FREM2: variants seen among roughly 807,000 people sequenced by gnomAD.
FREM2 encodes FRAS1-related extracellular matrix protein 2.
FREM2 carries 119 observed loss-of-function variants against 219.9 expected under a neutral mutation model. The ratio of observed to expected loss-of-function variants is 0.54; its 90% confidence interval spans 0.47 to 0.63. The LOEUF (loss-of-function observed/expected upper bound fraction) is 0.63, where lower values mean the gene tolerates loss of function less well. Ranked by LOEUF, FREM2 falls within the 30% of genes least tolerant of loss-of-function variation. The pLI is 0.00. For missense variants in FREM2, 4,030 were observed against 3,993.6 expected, an observed-to-expected ratio of 1.01 and a Z score of -0.25; for synonymous variants, 1,562 against 1,522.8, an observed-to-expected ratio of 1.03 and a Z score of -0.60.
intron 2 of FREM2, among the ~76,000 whole-genome samples, chr13:38,718,287 T>C (rs1871090077): frequency 6.6e-6 from 1 of 152,196 alleles, no homozygotes; most frequent in Non-Finnish European, 1.5e-5. Flanking sequence ...AGCTACTAAA[T>C]GAATCTTATC....
At chr13:38,754,668 T>C (rs1395082577) in intron 2 of FREM2, among the ~76,000 whole-genome samples, 1 of 152,172 alleles carries the variant, frequency 6.6e-6, no homozygotes, top group Non-Finnish European at 1.5e-5. Context: ...TGGCCCTCAA[T>C]CTGTCCAGCT....
intron 6 of FREM2, among the ~76,000 whole-genome samples, chr13:38,836,360 G>A (rs1876706240): frequency 6.6e-6 from 1 of 152,104 alleles, no homozygotes; most frequent in Non-Finnish European, 1.5e-5. Flanking sequence ...TTTTTATTGA[G>A]GATTTTCACA....
At chr13:38,765,648 ACT>A (rs947742866) in intron 3 of FREM2, among the ~76,000 whole-genome samples, 2 of 146,882 alleles carry the variant, frequency 1.4e-5, no homozygotes, top group Non-Finnish European at 1.5e-5. Context: ...GAACCCCACC[ACT>A]CTTTTTGATT....
intron 6 of FREM2, chr13:38,821,785 C>T (rs1876066697): frequency 6.6e-6 from 1 of 152,130 alleles, no homozygotes; most frequent in Non-Finnish European, 1.5e-5. Flanking sequence ...TGGTGAAAGA[C>T]ACTAGCCCAA....
At chr13:38,704,724 A>AC (rs1870472813) in intron 2 of FREM2, among the ~76,000 whole-genome samples, 1 of 152,208 alleles carries the variant, frequency 6.6e-6, no homozygotes, top group South Asian at 2.1e-4. Context: ...CTAAAGAACT[A>AC]CCTGAGATTG....
chr13:38,834,710 G>A lies in FREM2; in HGVS notation c.6020-11863G>A, dbSNP rs566318855. Among the ~76,000 whole-genome samples the A allele has an allele frequency of 1.0e-3, 158 of 152,310 alleles. 1 individual carries two copies. The highest frequency in any genetic ancestry group is 3.6e-3 in the African/African-American group (151 of 41,562). Reference sequence around the variant, plus strand: ...TTTCTCTAATGACCAGTGATAATGAGCTTTTTTCATATGTTTGTTGGCTGC... The same window carrying A: ...TTTCTCTAATGACCAGTGATAATGAACTTTTTTCATATGTTTGTTGGCTGC... On this transcript the variant is annotated intron_variant, in intron 6 of 23. Transcript: ENST00000280481.
At chr13:38,775,045 A>AT (rs1873815608) in intron 4 of FREM2, among the ~76,000 whole-genome samples, 1 of 152,206 alleles carries the variant, frequency 6.6e-6, no homozygotes, top group Non-Finnish European at 1.5e-5. Context: ...TAAACACATT[A>AT]TTTTAAAGGA....
intron 16 of FREM2, among the ~76,000 whole-genome samples, chr13:38,864,852 T>C (rs544300378): frequency 6.6e-6 from 1 of 152,364 alleles, no homozygotes; most frequent in Admixed American, 6.5e-5. Context: ...AAAAGGATGC[T>C]GTATAATTAT....
intron 2 of FREM2, among the ~76,000 whole-genome samples, chr13:38,739,372 G>T (rs922511281): frequency 6.6e-6 from 1 of 152,144 alleles, no homozygotes; most frequent in Non-Finnish European, 1.5e-5. Flanking sequence ...TACCAATAAA[G>T]TGTAAAGGAA....
At chr13:38,756,611 T>G (rs1449293190) in intron 2 of FREM2, among the ~76,000 whole-genome samples, 3 of 143,680 alleles carry the variant, frequency 2.1e-5, no homozygotes, top group Non-Finnish European at 4.5e-5. Flanking sequence ...CACTGCAACC[T>G]CTGCCTCCCA....
At chr13:38,770,978 T>G (rs974657488) in intron 4 of FREM2, among the ~76,000 whole-genome samples, 5 of 152,202 alleles carry the variant, frequency 3.3e-5, no homozygotes, top group Admixed American at 6.5e-5. Flanking sequence ...ATGACTTTCT[T>G]TTAAACTTCC....
intron 2 of FREM2, among the ~76,000 whole-genome samples, chr13:38,744,998 T>TCAAA (rs1376881031): frequency 6.6e-6 from 1 of 152,192 alleles, no homozygotes; most frequent in Non-Finnish European, 1.5e-5. Context: ...GCACTAGAAG[T>TCAAA]CAAACAGTAT....
chr13:38,724,973 G>A (rs1371750258), intron 2 of FREM2, among the ~76,000 whole-genome samples: 5 of 152,078 alleles, frequency 3.3e-5, no homozygotes, highest in Admixed American at 1.3e-4. Context: ...ATGTTGCTAG[G>A]GAAAAAGGAA....
At chr13:38,845,676 A>T (rs1158242498) in intron 6 of FREM2, among the ~76,000 whole-genome samples, 4 of 152,220 alleles carry the variant, frequency 2.6e-5, no homozygotes, top group African/African-American at 9.6e-5. Context: ...AACTCAAAAT[A>T]AATTTTTTTT....
intron 4 of FREM2, among the ~76,000 whole-genome samples, chr13:38,775,143 G>A (rs749687689): frequency 1.2e-4 from 18 of 152,152 alleles, no homozygotes; most frequent in Non-Finnish European, 1.9e-4. Context: ...GAGCCAAACC[G>A]ATTTCATATG....
At chr13:38,846,533 A>T in intron 6 of FREM2, 40 bp from the exon 7 acceptor site, 1 of 1,606,902 alleles carries the variant, frequency 6.2e-7, no homozygotes, top group Non-Finnish European at 8.5e-7. Context: ...ATGTGAAAAA[A>T]TAAAAATAAC....
At position 38,884,484 on chromosome 13, in the gene FREM2, A is replaced by G. The variant is rs916902545; in HGVS notation, c.*3697A>G. The G allele has an allele frequency of 6.6e-6, 1 of 152,216 alleles. No homozygotes were observed. The highest frequency in any genetic ancestry group is 2.4e-5 in the African/African-American group (1 of 41,462). 9.4% of individuals were successfully genotyped at this position (152,216 alleles called of 1,614,324 possible). A position where few individuals can be genotyped will look rare whatever the true frequency, so the allele number is the denominator to read the frequency against. Reference sequence around the variant, plus strand: ...AAATACTTATTTAGTATTGACTTGGAAGCCAATTTGGTCCTTTAATAAGTA... The same window carrying G: ...AAATACTTATTTAGTATTGACTTGGGAGCCAATTTGGTCCTTTAATAAGTA... On this transcript the variant is annotated 3_prime_UTR_variant, in exon 24 of 24. Transcript: ENST00000280481.
intron 4 of FREM2, 142 bp from the exon 5 acceptor site, chr13:38,782,928 C>A (rs1196334236): frequency 9.8e-7 from 1 of 1,019,098 alleles, no homozygotes; most frequent in Non-Finnish European, 1.5e-6. Context: ...CCTCTCCTTC[C>A]TCCTTTTCCT....
intron 15 of FREM2, among the ~76,000 whole-genome samples, chr13:38,863,820 A>T (rs115177615): frequency 1.3e-5 from 2 of 151,616 alleles, no homozygotes; most frequent in Admixed American, 6.6e-5. Context: ...CCACTTTTTT[A>T]TTTTTTTGTT....
Sources: allele counts gnomAD v4.1 joint callset (sites outside exome capture counted in the v4.1 genomes callset), GRCh38; gene constraint gnomAD v4.1.1; transcripts MANE v1.5; gene names NCBI Gene and HGNC (gene_info 2026-07-23, HGNC 2026-07-21).